Variants in TOR1B observed in about 807,000 individuals in gnomAD.
TOR1B encodes torsin family 1 member B.
In TOR1B, 14 loss-of-function variants were observed where a neutral mutation model predicts 29.2. That is an observed-to-expected ratio of 0.48 (90% confidence interval 0.32 to 0.75). TOR1B has a LOEUF of 0.75. TOR1B is among the 30% of genes least tolerant of loss of function. The pLI is 0.04. For synonymous variants in TOR1B, 166 were observed against 179.8 expected, an observed-to-expected ratio of 0.92 and a Z score of 0.62; for missense variants, 400 against 433.9, an observed-to-expected ratio of 0.92 and a Z score of 0.69.
In TOR1B at chr9:129,810,253, T is replaced by C; in HGVS notation, c.*670T>C. 1 of 1,303,718 alleles carries C rather than the reference T, an allele frequency of 7.7e-7. No individual in the cohort carries two copies. The highest frequency in any genetic ancestry group is 1.0e-6 in the Non-Finnish European group (1 of 988,862). 80.8% of individuals were successfully genotyped at this position (1,303,718 alleles called of 1,614,324 possible). A position where few individuals can be genotyped will look rare whatever the true frequency, so the allele number is the denominator to read the frequency against. ...GTTCACTGACTTGAAGTATACTCAG[T>C]TAAAATCGGGGCTGGAGGTGCAGAC... is the stretch of plus-strand genomic sequence containing the variant. On this transcript the variant is annotated 3_prime_UTR_variant, in exon 5 of 5. Coordinates refer to ENST00000259339, the MANE Select transcript of TOR1B (RefSeq NM_014506.3).
Position 129,809,420 on chromosome 9 carries a change from A to G in TOR1B, c.848A>G (p.His283Arg). 1.2e-6 allele frequency: 2 copies of G among 1,614,194 alleles called. No homozygotes were observed. Among genetic ancestry groups the G allele is most frequent in the Non-Finnish European group, 1.7e-6 (2 of 1,180,018 alleles). ...FIPFLPLEYR[H>R]VKMCVRAEMR... ...CCCTTCCTGCCTTTGGAGTACAGAC[A>G]TGTGAAAATGTGTGTGAGGGCCGAG... The change falls in exon 5 of 5, where the codon CAT becomes CGT. Residue 283 changes from histidine to arginine, a missense_variant. Coordinates refer to ENST00000259339, the MANE Select transcript of TOR1B (RefSeq NM_014506.3).
rs1339813033 is a variant in TOR1B, at chr9:129,809,804, T to C, written c.*221T>C. The C allele has an allele frequency of 1.4e-6, 2 of 1,388,410 alleles. No individual in the cohort carries two copies. Among genetic ancestry groups the C allele is most frequent in the East Asian group, 2.8e-5 (1 of 35,886 alleles). The allele number at this position is 1,388,410 out of a possible 1,614,324, so 86.0% of individuals were successfully genotyped here. ...CTGCAACCTCCGCTCCCGGTTTGAG[T>C]GATTCTCATGCCTCAGCCTCCCGAG... On this transcript the variant is annotated 3_prime_UTR_variant, in exon 5 of 5. Coordinates refer to ENST00000259339, the MANE Select transcript of TOR1B (RefSeq NM_014506.3).
chr9:129,803,223 C>T lies in TOR1B; in HGVS notation c.11C>T (p.Ala4Val). MLRAGWLRGAAALA... is the reference protein window; with the variant it reads MLRVGWLRGAAALA... ...GCTTCGAGGAGCGGGATGTTGCGGG[C>T]TGGGTGGCTCCGGGGCGCGGCGGCG... The change falls in exon 1 of 5, where the codon GCT (alanine) becomes GTT (valine). Residue 4 changes from alanine to valine, a missense_variant. Coordinates refer to ENST00000259339, the MANE Select transcript of TOR1B (RefSeq NM_014506.3). 1.3e-6 allele frequency: 2 copies of T among 1,516,568 alleles called. No homozygotes were observed. Among genetic ancestry groups the T allele is most frequent in the Non-Finnish European group, 1.8e-6 (2 of 1,140,562 alleles). 93.9% of individuals were successfully genotyped at this position (1,516,568 alleles called of 1,614,324 possible).
chr9:129,804,836 C>CAAAAA (rs34803368), intron 2 of TOR1B, among the ~76,000 whole-genome samples: 3 of 50,376 alleles, frequency 6.0e-5, no homozygotes, highest in Admixed American at 2.7e-4. Context: ...TACTCGGTCT[C>CAAAAA]AAAAAAAAAA....
rs543571702 is a variant in TOR1B at position 129,807,379 on chromosome 9, T to A, written c.641+16T>A. On this transcript the variant is annotated intron_variant, in intron 3 of 4. Coordinates refer to ENST00000259339, the MANE Select transcript of TOR1B (RefSeq NM_014506.3). ...TCTTTCTCAGGTCAGCGGGAGGCGG[T>A]TTTTTGGGGCACACAAGCCCTTCAT... 1 of 1,610,820 alleles carries A rather than the reference T, an allele frequency of 6.2e-7. No homozygotes were observed. Among genetic ancestry groups the A allele is most frequent in the Non-Finnish European group, 8.5e-7 (1 of 1,178,096 alleles).
Position 129,810,098 on chromosome 9 carries a change from C to G in TOR1B, c.*515C>G. On this transcript the variant is annotated 3_prime_UTR_variant, in exon 5 of 5. Coordinates refer to ENST00000259339, the MANE Select transcript of TOR1B (RefSeq NM_014506.3). ...GCACCCGCGCCTCAGAAGCTACGGT[C>G]ACAACTAAAGGAGTCCAGGGACTTG... 7.8e-7 allele frequency: 1 copy of G among 1,275,190 alleles called. No individual in the cohort carries two copies. Among genetic ancestry groups the G allele is most frequent in the Non-Finnish European group, 1.0e-6 (1 of 968,698 alleles). The allele number at this position is 1,275,190 out of a possible 1,614,324, so 79.0% of individuals were successfully genotyped here. A position where few individuals can be genotyped will look rare whatever the true frequency, so the allele number is the denominator to read the frequency against.
chr9:129,806,431 T>C (rs2130989237), intron 2 of TOR1B, among the ~76,000 whole-genome samples: 1 of 152,302 alleles, frequency 6.6e-6, no homozygotes, highest in South Asian at 2.1e-4. Context: ...ACAGATGCTT[T>C]TCATGAAATG....
Position 129,810,344 on chromosome 9 carries a change from TGTGTGTG to T in TOR1B, c.*763_*769del. On this transcript the variant is annotated 3_prime_UTR_variant, in exon 5 of 5. Transcript: ENST00000259339. The stretch of plus-strand genomic sequence containing the variant: ...CTTGATCTGAGCTGACCTGTGTGTG[TGTGTGTG>T]GGGGGGTGGGGCCTTCACCTAAGAC... 3.3e-6 allele frequency: 3 copies of T among 900,326 alleles called. No individual in the cohort carries two copies. The highest frequency in any genetic ancestry group is 2.1e-5 in the South Asian group (1 of 47,516). The allele number at this position is 900,326 out of a possible 1,614,324, so 55.8% of individuals were successfully genotyped here. A position where few individuals can be genotyped will look rare whatever the true frequency, so the allele number is the denominator to read the frequency against.
intron 4 of TOR1B, 66 bp from the exon 5 acceptor site, chr9:129,809,276 G>A: frequency 1.2e-6 from 2 of 1,606,412 alleles, no homozygotes; most frequent in Non-Finnish European, 1.7e-6. Context: ...ATGTGCTGAG[G>A]GTCGGGACTG....
At chr9:129,803,501 G>A in intron 1 of TOR1B, 90 bp downstream of exon 1, 1 of 1,231,662 alleles carries the variant, frequency 8.1e-7, no homozygotes, top group Non-Finnish European at 1.0e-6. Flanking sequence ...CGCCTGGCAC[G>A]GACCGGGCCC....
chr9:129,805,996 C>G (rs2030456040), intron 2 of TOR1B, among the ~76,000 whole-genome samples: 1 of 151,984 alleles, frequency 6.6e-6, no homozygotes, highest in Non-Finnish European at 1.5e-5. Context: ...TGGCATGCAC[C>G]TGTAGTCCCA....
chr9:129,803,455 C>CG, intron 1 of TOR1B, 44 bp downstream of exon 1: 1 of 678,984 alleles, frequency 1.5e-6, no homozygotes, highest in Non-Finnish European at 1.8e-6. Flanking sequence ...GCGGGGGGCG[C>CG]GGGGGCGCGG....
At position 129,810,977 on chromosome 9, in the gene TOR1B, A is replaced by C. The variant is rs2030832734; in HGVS notation, c.*1394A>C. The C allele has an allele frequency of 6.6e-6, 1 of 152,202 alleles. No homozygotes were observed. Among genetic ancestry groups the C allele is most frequent in the Non-Finnish European group, 1.5e-5 (1 of 68,054 alleles). 9.4% of individuals were successfully genotyped at this position (152,202 alleles called of 1,614,324 possible). On this transcript the variant is annotated 3_prime_UTR_variant, in exon 5 of 5. Transcript: ENST00000259339. ...GGACTGCCCTGATCCCTGGGACGTGAGACTTAGCTTCCAGCCAGTGTGAAT... is the reference window on the plus strand; with the variant it reads ...GGACTGCCCTGATCCCTGGGACGTGCGACTTAGCTTCCAGCCAGTGTGAAT...
At chr9:129,804,401 C>T (rs2030354235) in intron 2 of TOR1B, 63 bp downstream of exon 2, 2 of 1,578,176 alleles carry the variant, frequency 1.3e-6, no homozygotes, top group Admixed American at 1.7e-5. Flanking sequence ...GACCTGCTCA[C>T]TAACTCTGGC....
chr9:129,808,417 T>G (rs1487294171), intron 3 of TOR1B, among the ~76,000 whole-genome samples: 2 of 151,974 alleles, frequency 1.3e-5, no homozygotes, highest in East Asian at 3.9e-4. Context: ...AAGAATCACT[T>G]GAACCCGGAA....
Position 129,803,410 on chromosome 9 carries a change from G to C in TOR1B, c.198G>C (p.Ser66=), listed in dbSNP as rs1206151512. 2 of 1,529,298 alleles carry C rather than the reference G, an allele frequency of 1.3e-6. No homozygotes were observed. Among genetic ancestry groups the C allele is most frequent in the South Asian group, 1.2e-5 (1 of 82,922 alleles). The allele number at this position is 1,529,298 out of a possible 1,614,324, so 94.7% of individuals were successfully genotyped here. The change falls in exon 1 of 5, where the codon TCG becomes TCC. Residue 66 remains serine (S), a splice_region_variant and synonymous_variant. Transcript: ENST00000259339. ...GCGAGGAGCGGCCGCTCAACGCTTCGGGTACGGCGCGCGCGCGAGCTGTGG... is the reference window on the plus strand; with the variant it reads ...GCGAGGAGCGGCCGCTCAACGCTTCCGGTACGGCGCGCGCGCGAGCTGTGG... ...CCREERPLNA[S]ALKLDLEEKL...
At chr9:129,808,076 T>G (rs999147037) in intron 3 of TOR1B, among the ~76,000 whole-genome samples, 1 of 152,082 alleles carries the variant, frequency 6.6e-6, no homozygotes, top group African/African-American at 2.4e-5. Flanking sequence ...TTTTATTAAC[T>G]GTGCATGTTG....
In TOR1B at chr9:129,810,387, G is replaced by C. The variant is rs2030793530; in HGVS notation, c.*804G>C. ...GCCTTCACCTAAGACCTCTGCAGCA[G>C]ACCTGGACAGACAGGCCCCTCCCGC... On this transcript the variant is annotated 3_prime_UTR_variant, in exon 5 of 5. Transcript: ENST00000259339. 1.6e-6 allele frequency: 2 copies of C among 1,232,638 alleles called. No individual in the cohort carries two copies. The highest frequency in any genetic ancestry group is 2.8e-5 in the South Asian group (2 of 71,840). 76.4% of individuals were successfully genotyped at this position (1,232,638 alleles called of 1,614,324 possible). A position where few individuals can be genotyped will look rare whatever the true frequency, so the allele number is the denominator to read the frequency against.
intron 2 of TOR1B, among the ~76,000 whole-genome samples, chr9:129,805,912 C>T (rs1050754058): frequency 3.3e-5 from 5 of 152,034 alleles, no homozygotes; most frequent in African/African-American, 9.7e-5. Context: ...TTGTCCTTGT[C>T]AAGGTTAACA....
Sources: allele counts gnomAD v4.1 joint callset (sites outside exome capture counted in the v4.1 genomes callset), GRCh38; gene constraint gnomAD v4.1.1; transcripts MANE v1.5; gene names NCBI Gene and HGNC (gene_info 2026-07-23, HGNC 2026-07-21).